Variants in LPP observed in about 807,000 individuals in gnomAD.
LPP encodes the protein lipoma-preferred partner.
In LPP, 38 loss-of-function variants were observed where a neutral mutation model predicts 60.4. The observed-to-expected ratio is 0.63, with a 90% CI of 0.49 to 0.83. The LOEUF is 0.83. Among genes scored for constraint, LPP ranks in the 40% least tolerant of loss-of-function variants. The pLI, the probability that LPP is intolerant of heterozygous loss-of-function variation, is 0.00. For synonymous variants in LPP, 328 were observed against 290.8 expected (o/e 1.13, Z -1.30); for missense variants, 902 against 783.6 (o/e 1.15, Z -1.80).
intron 6 of LPP, among the ~76,000 whole-genome samples, chr3:188,578,864 C>T (rs1835391289): frequency 6.6e-6 from 1 of 152,148 alleles, no homozygotes; most frequent in Non-Finnish European, 1.5e-5. Flanking sequence ...AAGGTGAAGA[C>T]CCTTTCCCCA....
chr3:188,361,529 C>G (rs982868463), intron 3 of LPP, among the ~76,000 whole-genome samples: 2 of 132,794 alleles, frequency 1.5e-5, no homozygotes, highest in Non-Finnish European at 3.2e-5. Context: ...CTCCTCTCCT[C>G]TCCTCTCCTC....
chr3:188,546,420 A>G (rs1394785103), intron 6 of LPP, among the ~76,000 whole-genome samples: 1 of 152,090 alleles, frequency 6.6e-6, no homozygotes, highest in Non-Finnish European at 1.5e-5. Flanking sequence ...AAACACATGC[A>G]GGAGTATCAT....
intron 2 of LPP, among the ~76,000 whole-genome samples, chr3:188,241,487 T>A (rs2149470057): frequency 6.6e-6 from 1 of 152,314 alleles, no homozygotes; most frequent in Non-Finnish European, 1.5e-5. Context: ...GTCATCAGAG[T>A]TGTTTGAAGG....
At chr3:188,224,277 TG>T (rs1716900589) in intron 1 of LPP, among the ~76,000 whole-genome samples, 1 of 152,140 alleles carries the variant, frequency 6.6e-6, no homozygotes, top group Non-Finnish European at 1.5e-5. Context: ...ACTTTGAACT[TG>T]GAATTGTTTT....
chr3:188,862,974 A>G (rs1218350676), intron 9 of LPP, among the ~76,000 whole-genome samples: 3 of 152,086 alleles, frequency 2.0e-5, no homozygotes, highest in African/African-American at 7.2e-5. Flanking sequence ...TAAAATAATC[A>G]TCTATAACAC....
chr3:188,790,933 C>CA lies in LPP; in HGVS notation c.1410+30664dup, dbSNP rs68001404. On this transcript the variant is annotated intron_variant, in intron 9 of 11. Transcript: ENST00000617246. Reference sequence around the variant, plus strand: ...TAATTGACCCAAGTAGAAAAGTCTTCAAAAAAAAAAAAACGCTTTAGAAAA... The same window carrying CA: ...TAATTGACCCAAGTAGAAAAGTCTTCAAAAAAAAAAAAAACGCTTTAGAAAA... Among the ~76,000 whole-genome samples the CA allele has an allele frequency of 5.2e-3, 765 of 147,780 alleles. 5 individuals carry two copies. The highest frequency in any genetic ancestry group is 0.022 in the Middle Eastern group (6 of 272).
chr3:188,499,904 T>C (rs1040339809), intron 5 of LPP, among the ~76,000 whole-genome samples: 1 of 152,138 alleles, frequency 6.6e-6, no homozygotes, highest in African/African-American at 2.4e-5. Context: ...CTTAATTTCC[T>C]TTTTGAATTG....
chr3:188,474,683 T>A (rs1802734070), intron 4 of LPP, among the ~76,000 whole-genome samples: 1 of 152,240 alleles, frequency 6.6e-6, no homozygotes, highest in African/African-American at 2.4e-5. Flanking sequence ...CTTTTTGTTG[T>A]TGTTTTCCTG....
chr3:188,478,405 G>C (rs753228374), intron 4 of LPP, among the ~76,000 whole-genome samples: 2 of 151,974 alleles, frequency 1.3e-5, no homozygotes, highest in Non-Finnish European at 2.9e-5. Flanking sequence ...TATATAGTAG[G>C]TATGGTTTCA....
intron 4 of LPP, among the ~76,000 whole-genome samples, chr3:188,408,534 A>G (rs1784205000): frequency 6.6e-6 from 1 of 152,048 alleles, no homozygotes; most frequent in African/African-American, 2.4e-5. Context: ...TGAAAATTCT[A>G]TTTGTATCAC....
intron 3 of LPP, among the ~76,000 whole-genome samples, chr3:188,370,327 C>T (rs529673426): frequency 1.8e-4 from 28 of 152,218 alleles, no homozygotes; most frequent in African/African-American, 5.1e-4. Context: ...AAGGCTGCAC[C>T]GCCTACAAGT....
chr3:188,685,403 G>C (rs925495009), intron 7 of LPP, among the ~76,000 whole-genome samples: 18 of 152,274 alleles, frequency 1.2e-4, no homozygotes, highest in African/African-American at 4.1e-4. Context: ...TGGTTGAATT[G>C]AGAGAAGAGC....
chr3:188,845,301 G>A (rs1275684590), intron 9 of LPP, among the ~76,000 whole-genome samples: 2 of 152,222 alleles, frequency 1.3e-5, no homozygotes, highest in East Asian at 3.9e-4. Flanking sequence ...GAGATTCTGC[G>A]GTCAAGGCTC....
At chr3:188,288,810 C>T (rs1218624076) in intron 2 of LPP, among the ~76,000 whole-genome samples, 1 of 41,708 alleles carries the variant, frequency 2.4e-5, no homozygotes, top group Non-Finnish European at 4.3e-5. Flanking sequence ...TCTCTCTCTC[C>T]ACCCCCCACC....
intron 6 of LPP, among the ~76,000 whole-genome samples, chr3:188,577,126 G>A (rs1330104630): frequency 6.6e-6 from 1 of 152,130 alleles, no homozygotes; most frequent in Non-Finnish European, 1.5e-5. Flanking sequence ...AGATCACTGA[G>A]CTCTCAAACA....
intron 10 of LPP, 100 bp from the exon 11 acceptor site, chr3:188,872,543 A>C: frequency 3.1e-6 from 4 of 1,280,966 alleles, no homozygotes; most frequent in Non-Finnish European, 4.5e-6. Flanking sequence ...ATGAGGAAGC[A>C]GGTATACCGA....
At chr3:188,323,781 G>GC (rs1180616538) in intron 2 of LPP, among the ~76,000 whole-genome samples, 1 of 152,208 alleles carries the variant, frequency 6.6e-6, no homozygotes, top group African/African-American at 2.4e-5. Flanking sequence ...GAGGGTGAAT[G>GC]CCCCAAGTGG....
chr3:188,856,631 A>T (rs1390129103), intron 9 of LPP, among the ~76,000 whole-genome samples: 1 of 152,212 alleles, frequency 6.6e-6, no homozygotes, highest in Non-Finnish European at 1.5e-5. Context: ...TTAGTATCCC[A>T]TTCTATAGAT....
At chr3:188,172,935 A>G (rs541297003) in intron 1 of LPP, among the ~76,000 whole-genome samples, 1 of 152,244 alleles carries the variant, frequency 6.6e-6, no homozygotes, top group Admixed American at 6.5e-5. Context: ...TTGTGTGATC[A>G]TAGCTCACTG....
Sources: allele counts gnomAD v4.1 joint callset (sites outside exome capture counted in the v4.1 genomes callset), GRCh38; gene constraint gnomAD v4.1.1; transcripts MANE v1.5; gene names NCBI Gene and HGNC (gene_info 2026-07-23, HGNC 2026-07-21).